The following SNX25 variants were observed in gnomAD, a reference collection of about 807,000 sequenced individuals.
SNX25 encodes the protein sorting nexin 25.
A neutral mutation model predicts 113.7 loss-of-function variants in SNX25; 62 were observed. The ratio of observed to expected loss-of-function variants is 0.55; its 90% confidence interval spans 0.44 to 0.67. The LOEUF is 0.67. SNX25 is among the 30% of genes least tolerant of loss of function. The probability of loss-of-function intolerance (pLI) is 0.00; values close to 1 mark genes in which losing one functional copy is unlikely to be tolerated. For synonymous variants in SNX25, 421 were observed against 436.2 expected (o/e 0.97, Z 0.43); for missense variants, 1,014 against 1,161.0 (o/e 0.87, Z 1.84).
intron 2 of SNX25, among the ~76,000 whole-genome samples, chr4:185,255,165 G>T (rs1415455281): frequency 6.6e-6 from 1 of 151,242 alleles, no homozygotes; most frequent in Non-Finnish European, 1.5e-5. Flanking sequence ...ACAGAGTCTC[G>T]CTCTGTCGCC....
intron 9 of SNX25, among the ~76,000 whole-genome samples, chr4:185,326,639 T>C (rs562095295): frequency 6.6e-6 from 1 of 152,336 alleles, no homozygotes; most frequent in South Asian, 2.1e-4. Flanking sequence ...GTAACTTATT[T>C]ATACAAACAT....
chr4:185,206,794 G>T (rs1390513415), upstream of SNX25, among the ~76,000 whole-genome samples: 1 of 152,032 alleles, frequency 6.6e-6, no homozygotes. Context: ...TGGAGGCTGA[G>T]AACTCTGATG....
intron 3 of SNX25, among the ~76,000 whole-genome samples, chr4:185,260,048 T>C (rs989762246): frequency 6.6e-6 from 1 of 152,168 alleles, no homozygotes; most frequent in African/African-American, 2.4e-5. Context: ...TTAAAAACTA[T>C]GGCCCGCTGT....
chr4:185,284,436 T>C (rs371667955), intron 5 of SNX25, among the ~76,000 whole-genome samples: 4 of 152,078 alleles, frequency 2.6e-5, no homozygotes, highest in East Asian at 1.9e-4. Flanking sequence ...TGGGGAAGAC[T>C]TGAGGGAAGA....
rs1747773119 is a variant in SNX25, at chr4:185,264,474, A to G, written c.768A>G (p.Ala256=). The G allele has an allele frequency of 3.1e-6, 5 of 1,613,710 alleles. No individual in the cohort carries two copies. The highest frequency in any genetic ancestry group is 4.2e-6 in the Non-Finnish European group (5 of 1,179,950). Residue 256 remains alanine, a synonymous_variant, in exon 4 of 19, where the codon GCA becomes GCG. Coordinates refer to ENST00000652585, the MANE Select transcript of SNX25 (RefSeq NM_001378034.2). ...EEQPRPFVLH[A]CLRNSDDEVR... Reference sequence around the variant, plus strand: ...AGCCAAGACCTTTTGTGTTGCACGCATGCTTGAGGAACTCAGATGATGAAG... The same window carrying G: ...AGCCAAGACCTTTTGTGTTGCACGCGTGCTTGAGGAACTCAGATGATGAAG...
At chr4:185,372,796 A>G, downstream of SNX25, 1 of 1,397,042 alleles carries the variant, frequency 7.2e-7, no homozygotes, top group Non-Finnish European at 9.9e-7. Flanking sequence ...TCTGTTTCTC[A>G]TAAATTACCT....
chr4:185,207,406 C>T (rs755325387), upstream of SNX25, among the ~76,000 whole-genome samples: 15 of 151,676 alleles, frequency 9.9e-5, no homozygotes, highest in Non-Finnish European at 1.8e-4. Flanking sequence ...TTAGTAGAGA[C>T]GGGGTTTTGC....
chr4:185,245,491 C>T (rs2126479498), intron 1 of SNX25, among the ~76,000 whole-genome samples: 1 of 152,160 alleles, frequency 6.6e-6, no homozygotes, highest in African/African-American at 2.4e-5. Context: ...GTGCCCGCCA[C>T]CACGCCCAGC....
intron 12 of SNX25, among the ~76,000 whole-genome samples, chr4:185,342,896 A>G (rs571534072): frequency 3.9e-5 from 6 of 151,964 alleles, no homozygotes; most frequent in African/African-American, 7.2e-5. Flanking sequence ...TTATTTTTAT[A>G]TATATATTTT....
At chr4:185,367,815 C>T (rs2095395334), downstream of SNX25, among the ~76,000 whole-genome samples, 1 of 152,116 alleles carries the variant, frequency 6.6e-6, no homozygotes, top group African/African-American at 2.4e-5. Flanking sequence ...ACACATTCTA[C>T]ATATGTAGAA....
chr4:185,286,756 A>G (rs533031158), intron 5 of SNX25, among the ~76,000 whole-genome samples: 2 of 152,310 alleles, frequency 1.3e-5, no homozygotes, highest in South Asian at 4.1e-4. Context: ...ACCATCTCTG[A>G]CTGGCATGCC....
chr4:185,375,487 A>AAAAAATATATATATAT, the SNX25 span: 1 of 12,016 alleles, frequency 8.3e-5, no homozygotes, highest in Non-Finnish European at 1.5e-4. Flanking sequence ...AAAAAAAAAA[A>AAAAAATATATATATAT]ATATATATAT....
chr4:185,208,020 G>A (rs930637699), upstream of SNX25, among the ~76,000 whole-genome samples: 1 of 152,072 alleles, frequency 6.6e-6, no homozygotes, highest in East Asian at 1.9e-4. Flanking sequence ...GGGTTGGTAG[G>A]GTACACTTTG....
At chr4:185,368,795 G>GTTTT (rs34691416), downstream of SNX25, among the ~76,000 whole-genome samples, 4 of 133,056 alleles carry the variant, frequency 3.0e-5, no homozygotes, top group African/African-American at 5.6e-5. Context: ...AATCTGTTTT[G>GTTTT]TTTTTTTTTT....
chr4:185,356,973 C>A (rs2095342019), intron 15 of SNX25, among the ~76,000 whole-genome samples: 1 of 152,162 alleles, frequency 6.6e-6, no homozygotes, highest in Admixed American at 6.6e-5. Flanking sequence ...GTCTGTAGAA[C>A]CCTTCACAGT....
downstream of SNX25, among the ~76,000 whole-genome samples, chr4:185,373,607 TC>T (rs1367019526): frequency 6.6e-6 from 1 of 152,228 alleles, no homozygotes; most frequent in African/African-American, 2.4e-5. Flanking sequence ...TGCTTATCTA[TC>T]CAAAGATGGC....
At chr4:185,219,587 A>G (rs1739466843) in intron 1 of SNX25, among the ~76,000 whole-genome samples, 1 of 151,986 alleles carries the variant, frequency 6.6e-6, no homozygotes, top group Non-Finnish European at 1.5e-5. Context: ...AAAAAGAAAA[A>G]ATGTTTTCTT....
intron 6 of SNX25, among the ~76,000 whole-genome samples, chr4:185,300,111 C>G (rs540030646): frequency 6.6e-6 from 1 of 152,074 alleles, no homozygotes; most frequent in African/African-American, 2.4e-5. Context: ...CATACACAAA[C>G]ACATAGACAC....
At chr4:185,374,375 G>A (rs143269415), downstream of SNX25, 472 of 1,614,064 alleles carry the variant, frequency 2.9e-4, no homozygotes, top group South Asian at 1.1e-3. Context: ...AAGCTCTTCC[G>A]AGGTTGTAAG....
Sources: gnomAD v4.1 joint callset for allele counts (sites outside exome capture counted in the v4.1 genomes callset) on GRCh38, gnomAD v4.1.1 for gene constraint, MANE v1.5 for transcripts, NCBI Gene and HGNC (gene_info 2026-07-23, HGNC 2026-07-21) for gene names.